PREX1: variants seen among roughly 807,000 people sequenced by gnomAD.
PREX1 encodes phosphatidylinositol 3,4,5-trisphosphate-dependent Rac exchanger 1 protein.
In PREX1, 41 loss-of-function variants were observed where a neutral mutation model predicts 198.3. That is an observed-to-expected ratio of 0.21 (90% CI 0.16 to 0.27). The LOEUF (loss-of-function observed/expected upper bound fraction) is 0.27, where lower values mean the gene tolerates loss of function less well. Among genes scored for constraint, PREX1 ranks in the 10% least tolerant of loss-of-function variants. The pLI is 1.00. For synonymous variants in PREX1, 843 were observed against 887.2 expected (o/e 0.95, Z 0.89); for missense variants, 1,620 against 2,200.7 (o/e 0.74, Z 5.28).
chr20:48,878,470 G>T, the PREX1 span, among the ~76,000 whole-genome samples: 1 of 152,058 alleles, frequency 6.6e-6, no homozygotes, highest in East Asian at 1.9e-4. Flanking sequence ...CTCCCGAGTA[G>T]CTGGGATTAC....
chr20:48,829,277 C>T (rs1180930731), upstream of PREX1, among the ~76,000 whole-genome samples: 2 of 152,218 alleles, frequency 1.3e-5, no homozygotes, highest in Non-Finnish European at 2.9e-5. Flanking sequence ...CCCGTGTTTC[C>T]GGACCAGAGA....
chr20:48,650,118 G>A lies in PREX1; in HGVS notation c.2906C>T (p.Pro969Leu). 6.2e-7 allele frequency: 1 copy of A among 1,614,030 alleles called. No individual in the cohort carries two copies. Among genetic ancestry groups the A allele is most frequent in the African/African-American group, 1.3e-5 (1 of 75,066 alleles). ...CATGAGGTTGATGTGGCAATTGGTG[G>A]GGCAGAAGTCCAGGCCACACAGCGG... ...PHPLCGLDFC[P>L]TNCHINLMEV... The change falls in exon 24 of 40, where the codon CCC (proline) becomes CTC (leucine). Residue 969 changes from proline to leucine, a missense_variant. Physicochemically the swap from Pro to Leu is moderately conservative, Grantham distance 98 (BLOSUM62 -3). Transcript: ENST00000371941.
upstream of PREX1, among the ~76,000 whole-genome samples, chr20:48,828,043 G>T (rs1398811102): frequency 1.4e-5 from 2 of 146,046 alleles, no homozygotes; most frequent in Non-Finnish European, 3.0e-5. Context: ...GCGCGCGGGG[G>T]CCGGGCGAGG....
chr20:48,859,129 G>A, the PREX1 span, among the ~76,000 whole-genome samples: 14 of 152,044 alleles, frequency 9.2e-5, no homozygotes, highest in African/African-American at 3.1e-4. Flanking sequence ...TTGAACTCCT[G>A]ACCTCAAGCG....
At chr20:48,782,552 G>A (rs2090294674) in intron 1 of PREX1, among the ~76,000 whole-genome samples, 1 of 152,172 alleles carries the variant, frequency 6.6e-6, no homozygotes, top group Non-Finnish European at 1.5e-5. Flanking sequence ...AATATGTCCT[G>A]TTAAAGTGGT....
At chr20:48,845,796 G>C in the PREX1 span, among the ~76,000 whole-genome samples, 1 of 152,036 alleles carries the variant, frequency 6.6e-6, no homozygotes, top group Admixed American at 6.6e-5. Flanking sequence ...CAGAAGCCGC[G>C]AGGAGGCCAG....
chr20:48,699,603 C>T (rs1372095056), intron 7 of PREX1, among the ~76,000 whole-genome samples: 11 of 152,112 alleles, frequency 7.2e-5, no homozygotes, highest in Admixed American at 5.9e-4. Context: ...CCAACCACTT[C>T]GGCAACTATC....
At chr20:48,814,480 G>A (rs114064687) in intron 1 of PREX1, among the ~76,000 whole-genome samples, 9 of 152,308 alleles carry the variant, frequency 5.9e-5, no homozygotes, top group African/African-American at 2.2e-4. Context: ...TACAAATCAG[G>A]GTTCCAAGAG....
At position 48,701,024 on chromosome 20, in the gene PREX1, C is replaced by T. The variant is rs185565018; in HGVS notation, c.784-138G>A. 1.4e-3 allele frequency: 1,650 copies of T among 1,198,182 alleles called. 27 individuals are homozygous for T. In the Admixed American group the frequency reaches 0.029, roughly 21 times the overall value. The allele number at this position is 1,198,182 out of a possible 1,614,324, so 74.2% of individuals were successfully genotyped here. The stretch of plus-strand genomic sequence containing the variant: ...AGTCTGTCAATGGACAGAAAATCAA[C>T]ACAACGTGATTAGTGGCTTCTATCT... On this transcript the variant is annotated intron_variant, in intron 6 of 39. Transcript: ENST00000371941.
upstream of PREX1, among the ~76,000 whole-genome samples, chr20:48,831,053 T>C (rs2090536175): frequency 1.3e-5 from 2 of 152,180 alleles, no homozygotes; most frequent in Admixed American, 1.3e-4. Flanking sequence ...TCAAGGATCA[T>C]GGCACCTTTG....
intron 1 of PREX1, among the ~76,000 whole-genome samples, chr20:48,800,720 G>T (rs2093348): frequency 0.1 from 15,802 of 152,232 alleles, 1,031 homozygotes; most frequent in Middle Eastern, 0.24. Flanking sequence ...GCTAAAACAA[G>T]GCCCCAAGCA....
At chr20:48,692,036 C>A (rs114472812) in intron 8 of PREX1, among the ~76,000 whole-genome samples, 2,110 of 152,222 alleles carry the variant, frequency 0.014, 57 homozygotes, top group African/African-American at 0.048. Context: ...ACCACAGTTG[C>A]ACGCCACCAT....
At chr20:48,673,829 T>C (rs890854368) in intron 14 of PREX1, among the ~76,000 whole-genome samples, 1 of 152,204 alleles carries the variant, frequency 6.6e-6, no homozygotes, top group African/African-American at 2.4e-5. Flanking sequence ...ATCATAGTAA[T>C]AGTTAACGTT....
At chr20:48,885,131 C>T in the PREX1 span, among the ~76,000 whole-genome samples, 154 of 152,146 alleles carry the variant, frequency 1.0e-3, 1 homozygote, top group African/African-American at 3.1e-3. Context: ...AATGAGTTAA[C>T]GCATATAAAG....
chr20:48,722,244 G>C (rs1290573267), intron 5 of PREX1, among the ~76,000 whole-genome samples: 1 of 152,190 alleles, frequency 6.6e-6, no homozygotes, highest in African/African-American at 2.4e-5. Context: ...AACACAACGT[G>C]GTCCAGCCAC....
At chr20:48,732,998 C>A (rs1395042289) in intron 4 of PREX1, among the ~76,000 whole-genome samples, 2 of 152,230 alleles carry the variant, frequency 1.3e-5, no homozygotes, top group East Asian at 3.8e-4. Flanking sequence ...TCTGCACCCA[C>A]ACTGTTAACA....
intron 11 of PREX1, among the ~76,000 whole-genome samples, chr20:48,680,009 C>A (rs2089738751): frequency 6.6e-6 from 1 of 152,176 alleles, no homozygotes; most frequent in South Asian, 2.1e-4. Flanking sequence ...AGACTCGCAG[C>A]TTGGGGTGGG....
At chr20:48,818,890 G>A (rs1022841007) in intron 1 of PREX1, among the ~76,000 whole-genome samples, 2 of 152,202 alleles carry the variant, frequency 1.3e-5, no homozygotes, top group Admixed American at 6.5e-5. Context: ...CCACAGATGG[G>A]GGCCCAAACT....
intron 1 of PREX1, among the ~76,000 whole-genome samples, chr20:48,772,752 C>T (rs774551642): frequency 8.5e-5 from 13 of 152,162 alleles, no homozygotes; most frequent in Non-Finnish European, 1.3e-4. Flanking sequence ...CCAGGATGGC[C>T]GCATGGCTGA....
Sources: allele counts gnomAD v4.1 joint callset (sites outside exome capture counted in the v4.1 genomes callset), GRCh38; gene constraint gnomAD v4.1.1; transcripts MANE v1.5; gene names NCBI Gene and HGNC (gene_info 2026-07-23, HGNC 2026-07-21).